AAK1: variants seen among roughly 807,000 people sequenced by gnomAD.
AAK1 encodes the protein AP2 associated kinase 1, also known as AP2-associated protein kinase 1.
AAK1 carries 37 observed loss-of-function variants against 116.0 expected under a neutral mutation model. The observed-to-expected ratio is 0.32, with a 90% CI of 0.25 to 0.42. The LOEUF (loss-of-function observed/expected upper bound fraction) is 0.42, where lower values mean the gene tolerates loss of function less well. AAK1 is among the 10% of genes least tolerant of loss of function. The pLI is 1.00. For missense variants in AAK1, 919 were observed against 1,170.6 expected (o/e 0.79, Z 3.14); for synonymous variants, 458 against 439.9 (o/e 1.04, Z -0.51).
intron 2 of AAK1, among the ~76,000 whole-genome samples, chr2:69,591,068 G>A (rs1170699583): frequency 1.3e-5 from 2 of 152,204 alleles, no homozygotes; most frequent in Non-Finnish European, 2.9e-5. Flanking sequence ...CATTTTCTAT[G>A]TCCATATTGT....
At chr2:69,506,641 G>A (rs187303954) in intron 15 of AAK1, among the ~76,000 whole-genome samples, 1 of 152,214 alleles carries the variant, frequency 6.6e-6, no homozygotes, top group Non-Finnish European at 1.5e-5. Context: ...CTGGGTTACG[G>A]GCGTGAGCCA....
chr2:69,555,627 T>C (rs750688546), intron 3 of AAK1, among the ~76,000 whole-genome samples: 9 of 152,192 alleles, frequency 5.9e-5, no homozygotes, highest in Non-Finnish European at 8.8e-5. Flanking sequence ...ATTCAAATAC[T>C]AATTTCTTCC....
In AAK1 at chr2:69,525,035, G is replaced by GAACTTCA; in HGVS notation, c.1052_1053insTGAAGTT (p.Arg352GlufsTer22). On this transcript the variant is annotated frameshift_variant, in exon 10 of 22. Transcript: ENST00000409085. LOFTEE classifies it high-confidence loss of function. ...GTGTTCATGAAGGCATTTCTTACCT[G>GAACTTCA]GCCTTTGGCTGGGTCTTTTTTGCAG... is the stretch of plus-strand genomic sequence containing the variant. The GAACTTCA allele has an allele frequency of 6.2e-7, 1 of 1,613,810 alleles. No homozygotes were observed. The highest frequency in any genetic ancestry group is 8.5e-7 in the Non-Finnish European group (1 of 1,179,736).
At chr2:69,536,102 G>C (rs1670461476) in intron 5 of AAK1, among the ~76,000 whole-genome samples, 1 of 152,200 alleles carries the variant, frequency 6.6e-6, no homozygotes, top group Non-Finnish European at 1.5e-5. Flanking sequence ...GGATAGTAGG[G>C]CAGTATTTAG....
intron 17 of AAK1, among the ~76,000 whole-genome samples, chr2:69,493,387 C>T (rs1675618008): frequency 6.6e-6 from 1 of 151,930 alleles, no homozygotes. Flanking sequence ...ACACTGTGGG[C>T]TGTGCCTTCC....
In AAK1 at chr2:69,643,729, G is replaced by C. The variant is rs1042770094; in HGVS notation, c.-389C>G. The C allele has an allele frequency of 8.3e-7, 1 of 1,210,490 alleles. No homozygotes were observed. Among genetic ancestry groups the C allele is most frequent in the Non-Finnish European group, 1.0e-6 (1 of 974,528 alleles). 75.0% of individuals were successfully genotyped at this position (1,210,490 alleles called of 1,614,324 possible). A position where few individuals can be genotyped will look rare whatever the true frequency, so the allele number is the denominator to read the frequency against. On this transcript the variant is annotated 5_prime_UTR_variant, in exon 1 of 22. Coordinates refer to ENST00000409085, the MANE Select transcript of AAK1 (RefSeq NM_014911.5). Reference sequence around the variant, plus strand: ...CCCGCCAGCTGATCCCGGGAGCGCCGGGCGGAGACTGACCCGCCGCCCCTC... The same window carrying C: ...CCCGCCAGCTGATCCCGGGAGCGCCCGGCGGAGACTGACCCGCCGCCCCTC...
At chr2:69,611,432 A>G (rs771783445) in intron 2 of AAK1, among the ~76,000 whole-genome samples, 1 of 152,150 alleles carries the variant, frequency 6.6e-6, no homozygotes, top group Non-Finnish European at 1.5e-5. Context: ...CAACATTGAG[A>G]CTTCCTTGGT....
At chr2:69,603,172 T>C (rs1414792155) in intron 2 of AAK1, among the ~76,000 whole-genome samples, 2 of 152,236 alleles carry the variant, frequency 1.3e-5, no homozygotes, top group Admixed American at 6.5e-5. Flanking sequence ...CTTTTCCTGA[T>C]TTTTAAATGT....
chr2:69,599,714 T>C (rs533148577), intron 2 of AAK1, among the ~76,000 whole-genome samples: 1 of 152,180 alleles, frequency 6.6e-6, no homozygotes, highest in Non-Finnish European at 1.5e-5. Context: ...TAGAGAGAAT[T>C]AAAGCAAGAA....
Position 69,558,531 on chromosome 2 carries a change from G to C in AAK1, c.164-1553C>G, listed in dbSNP as rs115135597. On this transcript the variant is annotated intron_variant, in intron 2 of 21. Transcript: ENST00000409085. ...CAAAGCTGTCAAAGTTGAAGGCTTT[G>C]GAGTAAGTAGCAGTTACACTGGACG... is the stretch of plus-strand genomic sequence containing the variant. Among the ~76,000 whole-genome samples, 645 of 152,260 alleles carry C rather than the reference G, an allele frequency of 4.2e-3. 4 individuals are homozygous for C. The highest frequency in any genetic ancestry group is 0.014 in the African/African-American group (583 of 41,542).
At chr2:69,519,888 T>C (rs1451192804) in intron 11 of AAK1, among the ~76,000 whole-genome samples, 4 of 152,114 alleles carry the variant, frequency 2.6e-5, no homozygotes, top group African/African-American at 9.7e-5. Context: ...TAGGCATGTA[T>C]GAAAATAACT....
chr2:69,521,278 A>C (rs976004996), intron 10 of AAK1, among the ~76,000 whole-genome samples: 4 of 152,204 alleles, frequency 2.6e-5, no homozygotes, highest in African/African-American at 9.7e-5. Flanking sequence ...AGAATGCTAT[A>C]TAGTATTCTC....
intron 17 of AAK1, among the ~76,000 whole-genome samples, chr2:69,486,889 T>C (rs957177627): frequency 1.3e-5 from 2 of 152,120 alleles, no homozygotes; most frequent in Non-Finnish European, 2.9e-5. Flanking sequence ...AGTCTTCACA[T>C]AGACATGGTC....
chr2:69,490,688 G>A (rs1675487165), intron 17 of AAK1, among the ~76,000 whole-genome samples: 1 of 151,932 alleles, frequency 6.6e-6, no homozygotes, highest in South Asian at 2.1e-4. Context: ...TTGTTTAATG[G>A]GTACAGAGTT....
chr2:69,579,280 T>C (rs1672444793), intron 2 of AAK1, among the ~76,000 whole-genome samples: 1 of 152,060 alleles, frequency 6.6e-6, no homozygotes, highest in Non-Finnish European at 1.5e-5. Flanking sequence ...CTGGTGACAT[T>C]CTTGAATCAC....
At chr2:69,599,378 G>A (rs573594396) in intron 2 of AAK1, among the ~76,000 whole-genome samples, 33 of 102,626 alleles carry the variant, frequency 3.2e-4, no homozygotes, top group Non-Finnish European at 3.9e-4. Flanking sequence ...ATAGTTCTGT[G>A]TAAAAAAAAA....
At chr2:69,500,694 T>TACAC (rs1355670597) in intron 16 of AAK1, among the ~76,000 whole-genome samples, 31 of 110,068 alleles carry the variant, frequency 2.8e-4, no homozygotes, top group African/African-American at 1.1e-3. Flanking sequence ...TATATATATA[T>TACAC]ATATACACAC....
intron 2 of AAK1, among the ~76,000 whole-genome samples, 186 bp from the exon 3 acceptor site, chr2:69,557,164 G>A (rs1339899979): frequency 4.6e-5 from 7 of 152,178 alleles, no homozygotes. Flanking sequence ...TTACTTGTGG[G>A]AGTGGGTGGC....
chr2:69,498,784 T>C (rs908481781), intron 16 of AAK1, among the ~76,000 whole-genome samples: 15 of 152,320 alleles, frequency 9.8e-5, no homozygotes, highest in Admixed American at 5.9e-4. Flanking sequence ...GCACCTGCTT[T>C]CACTCCAGAG....
Sources: allele counts gnomAD v4.1 joint callset (sites outside exome capture counted in the v4.1 genomes callset), GRCh38; gene constraint gnomAD v4.1.1; transcripts MANE v1.5; gene names NCBI Gene and HGNC (gene_info 2026-07-23, HGNC 2026-07-21).